SF3B1: variants seen among roughly 807,000 people sequenced by gnomAD.
SF3B1 encodes splicing factor 3b subunit 1.
Under a neutral mutation model 153.8 loss-of-function variants are expected in SF3B1, and 12 were observed. The ratio of observed to expected loss-of-function variants is 0.08; its 90% CI spans 0.05 to 0.13. The LOEUF is 0.13. Among genes scored for constraint, SF3B1 ranks in the 10% least tolerant of loss-of-function variants. The probability of loss-of-function intolerance (pLI) is 1.00; values close to 1 mark genes in which losing one functional copy is unlikely to be tolerated. For synonymous variants in SF3B1, 498 were observed against 525.2 expected (o/e 0.95, Z 0.71); for missense variants, 513 against 1,606.1 (o/e 0.32, Z 11.63).
rs1401350614 is a variant in SF3B1 at position 197,418,525 on chromosome 2, T to C, written c.479A>G (p.His160Arg). 1.9e-6 allele frequency: 3 copies of C among 1,611,434 alleles called. No individual in the cohort carries two copies. The highest frequency in any genetic ancestry group is 2.5e-6 in the Non-Finnish European group (3 of 1,177,912). Residue 160 changes from histidine (H) to arginine (R), a missense_variant, in exon 5 of 25, where the codon CAC (histidine) becomes CGC (arginine). Physicochemically the swap from His to Arg is conservative, Grantham distance 29. Transcript: ENST00000335508. ...TTTACATACTTCTTCTTTAGTCAAG[T>C]GTTGTTCTCGCATTACATCCATGTA... ...RTYMDVMREQ[H>R]LTKEEREIRQ...
chr2:197,424,771 C>T (rs1161486335), intron 1 of SF3B1, among the ~76,000 whole-genome samples: 2 of 152,200 alleles, frequency 1.3e-5, no homozygotes, highest in African/African-American at 2.4e-5. Flanking sequence ...GAAATAGTTT[C>T]GATTGCAAAA....
At chr2:197,419,455 A>G (rs1447630171) in intron 4 of SF3B1, 1 of 218,910 alleles carries the variant, frequency 4.6e-6, no homozygotes, top group African/African-American at 2.2e-5. Flanking sequence ...TAGCATCACA[A>G]TTTAGGAAAA....
intron 22 of SF3B1, among the ~76,000 whole-genome samples, chr2:197,397,566 T>C (rs368010475): frequency 1.3e-5 from 2 of 152,128 alleles, no homozygotes; most frequent in South Asian, 2.1e-4. Flanking sequence ...GAGGCCAAGA[T>C]AGGTGGCTCA....
intron 3 of SF3B1, 48 bp from the exon 4 acceptor site, chr2:197,420,590 A>G (rs775467843): frequency 1.0e-5 from 13 of 1,267,644 alleles, no homozygotes; most frequent in African/African-American, 3.0e-5. Flanking sequence ...TAAAATAACA[A>G]AACAGAATAT....
At chr2:197,410,125 A>T (rs1223708301) in intron 6 of SF3B1, 118 bp from the exon 7 acceptor site, 2 of 643,106 alleles carry the variant, frequency 3.1e-6, no homozygotes, top group African/African-American at 1.8e-5. Context: ...TAATTAATGA[A>T]AAGTTAGAAG....
chr2:197,424,239 C>A lies in SF3B1; in HGVS notation c.29-265G>T, dbSNP rs1253918245. ...CAGATCTGGGTGCTGTGGCTCACGC[C>A]TATAATCCCAACACTTTGGGAGGAG... On this transcript the variant is annotated intron_variant, in intron 1 of 24. Coordinates refer to ENST00000335508, the MANE Select transcript of SF3B1 (RefSeq NM_012433.4). Among the ~76,000 whole-genome samples the A allele has an allele frequency of 2.6e-5, 4 of 152,146 alleles. No individual in the cohort carries two copies. The South Asian group carries it at 8.3e-4, about 32-fold the overall frequency.
At chr2:197,425,151 A>T (rs1332762914) in intron 1 of SF3B1, among the ~76,000 whole-genome samples, 2 of 151,346 alleles carry the variant, frequency 1.3e-5, no homozygotes, top group African/African-American at 4.9e-5. Flanking sequence ...AGCAAAACTC[A>T]TCTCAAATAA....
Position 197,393,085 on chromosome 2 carries a change from C to T in SF3B1, c.3643G>A (p.Val1215Ile), listed in dbSNP as rs1471871157. The change falls in exon 24 of 25, where the codon GTA (valine) becomes ATA (isoleucine). Residue 1215 changes from valine (V) to isoleucine (I), a missense_variant. Val to Ile is a conservative substitution (Grantham distance 29, BLOSUM62 3). This residue lies in a region of SF3B1 where 27 missense variants were observed against 126.1 expected (regional missense o/e 0.21). Transcript: ENST00000335508. ...GATGTCTCAAATACATTGGGCCATA[C>T]ATAGTTCAACAAGTGATTCAGCGAA... ...EDSLNHLLNY[V>I]WPNVFETSPH... 1 of 1,613,166 alleles carries T rather than the reference C, an allele frequency of 6.2e-7. No homozygotes were observed. The highest frequency in any genetic ancestry group is 8.5e-7 in the Non-Finnish European group (1 of 1,179,244).
At position 197,401,092 on chromosome 2, in the gene SF3B1, T is replaced by G. The variant is rs910220242; in HGVS notation, c.2497-156A>C. On this transcript the variant is annotated intron_variant, in intron 17 of 24. Transcript: ENST00000335508. The surrounding 1 kb of genome is among the most constrained non-coding windows in gnomAD (Gnocchi z 4.2). The stretch of plus-strand genomic sequence containing the variant: ...TACTTATTAAAGTTGAAGAGAAAAG[T>G]GACCAAACATCGAAAAATGAGTATA... Among the ~76,000 whole-genome samples, 1 of 152,210 alleles carries G rather than the reference T, an allele frequency of 6.6e-6. No individual in the cohort carries two copies. The highest frequency in any genetic ancestry group is 1.9e-4 in the East Asian group (1 of 5,204).
chr2:197,426,283 T>C (rs2085335912), intron 1 of SF3B1, among the ~76,000 whole-genome samples: 1 of 151,994 alleles, frequency 6.6e-6, no homozygotes, highest in African/African-American at 2.4e-5. Flanking sequence ...TCCCACCCCC[T>C]TCGGGCATCT....
At chr2:197,421,213 T>A in intron 2 of SF3B1, 80 bp from the exon 3 acceptor site, 2 of 929,506 alleles carry the variant, frequency 2.2e-6, no homozygotes, top group Non-Finnish European at 3.5e-6. Flanking sequence ...AGATTCAAAA[T>A]GAAATCAAAA....
At chr2:197,394,724 T>C (rs1574523071) in intron 23 of SF3B1, among the ~76,000 whole-genome samples, 1 of 152,152 alleles carries the variant, frequency 6.6e-6, no homozygotes, top group East Asian at 1.9e-4. Flanking sequence ...GCTAACACGG[T>C]GAAACCCTAT....
At chr2:197,434,872 T>C in intron 1 of SF3B1, 100 bp downstream of exon 1, 3 of 1,327,326 alleles carry the variant, frequency 2.3e-6, no homozygotes, top group South Asian at 1.2e-5. Context: ...CGGGCTCAGC[T>C]CCTACGAAAG....
At chr2:197,414,299 G>T (rs1040443000) in intron 6 of SF3B1, among the ~76,000 whole-genome samples, 1 of 152,256 alleles carries the variant, frequency 6.6e-6, no homozygotes, top group Admixed American at 6.5e-5. Context: ...GGACAGATTT[G>T]TAAGTTTGGC....
intron 1 of SF3B1, among the ~76,000 whole-genome samples, chr2:197,431,104 C>CTTTT (rs558644461): frequency 9.5e-5 from 7 of 73,710 alleles, no homozygotes; most frequent in Admixed American, 7.7e-4. Context: ...GCCTTTTCTT[C>CTTTT]TTTTTTTTTT....
intron 1 of SF3B1, among the ~76,000 whole-genome samples, chr2:197,425,882 C>T (rs924367184): frequency 5.3e-5 from 8 of 151,830 alleles, no homozygotes; most frequent in Admixed American, 6.6e-5. Flanking sequence ...CCTATAGTCC[C>T]CTGCCACTTA....
intron 9 of SF3B1, among the ~76,000 whole-genome samples, chr2:197,407,769 A>T (rs1574534101): frequency 6.6e-6 from 1 of 152,168 alleles, no homozygotes. Context: ...AGTATAACCG[A>T]TAGACCCATA....
intron 9 of SF3B1, among the ~76,000 whole-genome samples, chr2:197,405,815 AAAT>A (rs1332875916): frequency 6.6e-6 from 1 of 152,168 alleles, no homozygotes; most frequent in African/African-American, 2.4e-5. Flanking sequence ...GTAGTCGAGC[AAAT>A]AATGTTTCAT....
At chr2:197,397,048 G>A (rs748944787) in intron 22 of SF3B1, among the ~76,000 whole-genome samples, 2 of 152,136 alleles carry the variant, frequency 1.3e-5, no homozygotes, top group Non-Finnish European at 2.9e-5. Context: ...GTGGTGTCTC[G>A]TTTTCTACAA....
Sources: allele counts gnomAD v4.1 joint callset (sites outside exome capture counted in the v4.1 genomes callset), GRCh38; gene constraint gnomAD v4.1.1; regional missense constraint gnomAD v4.1.1; non-coding constraint Gnocchi (gnomAD v3.1); transcripts MANE v1.5; gene names NCBI Gene and HGNC (gene_info 2026-07-23, HGNC 2026-07-21).